Variants in FBXL4 observed in about 807,000 individuals in gnomAD.
FBXL4 encodes the protein F-box and leucine rich repeat protein 4.
FBXL4 carries 40 observed loss-of-function variants against 58.9 expected under a neutral mutation model. The ratio of observed to expected loss-of-function variants is 0.68; its 90% CI spans 0.53 to 0.88. The LOEUF (loss-of-function observed/expected upper bound fraction) is 0.88, where lower values mean the gene tolerates loss of function less well. FBXL4 is among the 40% of genes least tolerant of loss of function. FBXL4 has a pLI of 0.00. For synonymous variants in FBXL4, 263 were observed against 265.5 expected, an observed-to-expected ratio of 0.99 and a Z score of 0.09; for missense variants, 676 against 734.4, an observed-to-expected ratio of 0.92 and a Z score of 0.92.
intron 7 of FBXL4, among the ~76,000 whole-genome samples, chr6:98,887,790 G>C (rs1483025380): frequency 1.3e-5 from 2 of 152,200 alleles, no homozygotes; most frequent in Non-Finnish European, 2.9e-5. Flanking sequence ...AAGAGATACT[G>C]TGAGGAATTA....
intron 2 of FBXL4, among the ~76,000 whole-genome samples, chr6:98,931,179 A>AT (rs1269426659): frequency 1.3e-5 from 2 of 152,206 alleles, no homozygotes; most frequent in Non-Finnish European, 2.9e-5. Flanking sequence ...TGTGTTGTGC[A>AT]TTTTTGGCAA....
chr6:98,882,918 T>G (rs1484359721), intron 7 of FBXL4, among the ~76,000 whole-genome samples: 3 of 152,030 alleles, frequency 2.0e-5, no homozygotes, highest in African/African-American at 4.8e-5. Flanking sequence ...TTTATGTGCT[T>G]CCTTGTGCAT....
chr6:98,906,957 C>A (rs1400644094), intron 5 of FBXL4, among the ~76,000 whole-genome samples: 1 of 152,196 alleles, frequency 6.6e-6, no homozygotes, highest in Non-Finnish European at 1.5e-5. Context: ...TTGTTGGCTG[C>A]ATAAATGTCT....
intron 7 of FBXL4, chr6:98,898,779 T>C (rs968350241): frequency 7.1e-6 from 7 of 985,244 alleles, no homozygotes; most frequent in African/African-American, 1.7e-5. Flanking sequence ...CCTGGAAACA[T>C]GTCCTAGAGA....
At chr6:98,897,549 T>C (rs1448077435) in intron 7 of FBXL4, among the ~76,000 whole-genome samples, 1 of 152,178 alleles carries the variant, frequency 6.6e-6, no homozygotes, top group Non-Finnish European at 1.5e-5. Flanking sequence ...AAATTGAGAA[T>C]AATGCCATCT....
chr6:98,935,075 G>T (rs879443829), intron 1 of FBXL4, among the ~76,000 whole-genome samples, 196 bp from the exon 2 acceptor site: 15 of 152,174 alleles, frequency 9.9e-5, no homozygotes, highest in Non-Finnish European at 1.2e-4. Context: ...AAGTAGGAAT[G>T]AATTTATCAG....
chr6:98,877,355 T>C (rs1443512375), intron 8 of FBXL4, among the ~76,000 whole-genome samples: 1 of 152,174 alleles, frequency 6.6e-6, no homozygotes. Context: ...ATGAAACCTA[T>C]GATTCTGACT....
chr6:98,899,533 C>T (rs901450013), intron 6 of FBXL4, 52 bp from the exon 7 acceptor site: 1 of 1,561,590 alleles, frequency 6.4e-7, no homozygotes, highest in Non-Finnish European at 8.7e-7. Flanking sequence ...GATATTTTTG[C>T]AAGAACTTTG....
In FBXL4 at chr6:98,870,427, C is replaced by T. The variant is rs933801605; in HGVS notation, c.*3851G>A. 4 of 152,178 alleles carry T rather than the reference C, an allele frequency of 2.6e-5. No homozygotes were observed. The highest frequency in any genetic ancestry group is 9.7e-5 in the African/African-American group (4 of 41,432). The allele number at this position is 152,178 out of a possible 1,614,324, so 9.4% of individuals were successfully genotyped here. A position where few individuals can be genotyped will look rare whatever the true frequency, so the allele number is the denominator to read the frequency against. ...CAGTGCTCATGAAATTTTATTGGAA[C>T]ATGGCCACACTCATTCGTTTAGGTA... is the stretch of plus-strand genomic sequence containing the variant. On this transcript the variant is annotated 3_prime_UTR_variant, in exon 10 of 10. Transcript: ENST00000369244.
intron 6 of FBXL4, among the ~76,000 whole-genome samples, chr6:98,900,634 C>A (rs116870304): frequency 6.6e-6 from 1 of 152,202 alleles, no homozygotes; most frequent in Non-Finnish European, 1.5e-5. Flanking sequence ...TGAAATACTA[C>A]GCAAATGCAG....
At chr6:98,923,712 C>G (rs1772671020) in intron 4 of FBXL4, among the ~76,000 whole-genome samples, 1 of 152,160 alleles carries the variant, frequency 6.6e-6, no homozygotes, top group South Asian at 2.1e-4. Context: ...CTGTCTGACT[C>G]TCTACTTGGT....
intron 7 of FBXL4, among the ~76,000 whole-genome samples, chr6:98,881,411 A>G (rs1484671384): frequency 2.0e-5 from 3 of 152,148 alleles, no homozygotes; most frequent in African/African-American, 4.8e-5. Flanking sequence ...TCTTTTATCA[A>G]TTAAGGAGAA....
At chr6:98,933,428 C>A (rs1019372411) in intron 2 of FBXL4, among the ~76,000 whole-genome samples, 4 of 152,282 alleles carry the variant, frequency 2.6e-5, no homozygotes, top group African/African-American at 9.6e-5. Context: ...TTGCTGTAGA[C>A]CCACCAGAAC....
intron 5 of FBXL4, among the ~76,000 whole-genome samples, chr6:98,907,368 G>A (rs569526532): frequency 6.6e-6 from 1 of 152,314 alleles, no homozygotes; most frequent in South Asian, 2.1e-4. Context: ...AAGGAGGCAG[G>A]AAGAGAAACC....
At position 98,871,474 on chromosome 6, in the gene FBXL4, A is replaced by AT. The variant is rs1393028496; in HGVS notation, c.*2803dup. ...GTGTGGCACAATTACAAGCATGAAT[A>AT]TTTTATAAGAAGAAAACACAAATTT... On this transcript the variant is annotated 3_prime_UTR_variant, in exon 10 of 10. Coordinates refer to ENST00000369244, the MANE Select transcript of FBXL4 (RefSeq NM_001278716.2). 1.3e-5 allele frequency: 2 copies of AT among 152,222 alleles called. No homozygotes were observed. Among genetic ancestry groups the AT allele is most frequent in the Non-Finnish European group, 1.5e-5 (1 of 68,038 alleles). 9.4% of individuals were successfully genotyped at this position (152,222 alleles called of 1,614,324 possible).
intron 7 of FBXL4, among the ~76,000 whole-genome samples, chr6:98,886,862 T>A (rs545238451): frequency 1.3e-5 from 2 of 152,318 alleles, no homozygotes; most frequent in East Asian, 3.9e-4. Context: ...CTTGGAACAC[T>A]GTCACCTAGC....
At chr6:98,918,753 G>A (rs766481424) in intron 4 of FBXL4, among the ~76,000 whole-genome samples, 1 of 151,860 alleles carries the variant, frequency 6.6e-6, no homozygotes, top group Admixed American at 6.6e-5. Context: ...CAAAGAATAA[G>A]AATATTTTTA....
chr6:98,938,273 CAGT>C (rs1254772350), intron 1 of FBXL4, among the ~76,000 whole-genome samples: 1 of 152,152 alleles, frequency 6.6e-6, no homozygotes, highest in East Asian at 1.9e-4. Context: ...ATAGAGTTCA[CAGT>C]TCTTTCCATA....
At chr6:98,896,997 A>G in intron 7 of FBXL4, 2 of 985,048 alleles carry the variant, frequency 2.0e-6, no homozygotes, top group Non-Finnish European at 2.4e-6. Context: ...CATTTCAAAA[A>G]CATCTCATGG....
Sources: allele counts gnomAD v4.1 joint callset (sites outside exome capture counted in the v4.1 genomes callset), GRCh38; gene constraint gnomAD v4.1.1; transcripts MANE v1.5; gene names NCBI Gene and HGNC (gene_info 2026-07-23, HGNC 2026-07-21).